Variants in KYNU observed in about 807,000 individuals in gnomAD.
The protein encoded by KYNU is kynureninase, also known as L-kynurenine hydrolase.
In KYNU, 54 loss-of-function variants were observed where a neutral mutation model predicts 59.2. The observed-to-expected ratio is 0.91, with a 90% CI of 0.73 to 1.14. The LOEUF (loss-of-function observed/expected upper bound fraction) is 1.14, where lower values mean the gene tolerates loss of function less well. Ranked by LOEUF, KYNU falls within the 50% of genes most tolerant of loss-of-function variation. The probability of loss-of-function intolerance (pLI) is 0.00; values close to 1 mark genes in which losing one functional copy is unlikely to be tolerated. For missense variants in KYNU, 567 were observed against 554.4 expected, an observed-to-expected ratio of 1.02 and a Z score of -0.23; for synonymous variants, 177 against 192.0, an observed-to-expected ratio of 0.92 and a Z score of 0.65.
intron 8 of KYNU, among the ~76,000 whole-genome samples, chr2:142,965,807 G>A (rs755724526): frequency 4.6e-5 from 7 of 152,118 alleles, no homozygotes; most frequent in Non-Finnish European, 7.4e-5. Flanking sequence ...TGGGCTTCGG[G>A]TTGGCTAAAT....
At chr2:143,041,035 A>G (rs1174098187) in intron 13 of KYNU, among the ~76,000 whole-genome samples, 1 of 152,118 alleles carries the variant, frequency 6.6e-6, no homozygotes, top group African/African-American at 2.4e-5. Flanking sequence ...AATTTATTGA[A>G]GGGTTAAAAA....
At chr2:143,002,796 G>A (rs1000022988) in intron 10 of KYNU, among the ~76,000 whole-genome samples, 1 of 152,054 alleles carries the variant, frequency 6.6e-6, no homozygotes, top group African/African-American at 2.4e-5. Context: ...AGTACATTTT[G>A]AATCAGTTTC....
intron 10 of KYNU, among the ~76,000 whole-genome samples, chr2:142,999,264 A>T (rs1029691041): frequency 6.6e-6 from 1 of 152,162 alleles, no homozygotes; most frequent in South Asian, 2.1e-4. Flanking sequence ...TAGACTATTT[A>T]TCAAGAATTT....
intron 2 of KYNU, among the ~76,000 whole-genome samples, chr2:142,908,828 G>T (rs953736955): frequency 2.0e-5 from 3 of 152,100 alleles, no homozygotes; most frequent in African/African-American, 7.2e-5. Flanking sequence ...TAGAGACAGG[G>T]TTTCACTGTG....
At chr2:142,958,920 A>C (rs1001641003) in intron 7 of KYNU, among the ~76,000 whole-genome samples, 8 of 152,208 alleles carry the variant, frequency 5.3e-5, no homozygotes, top group African/African-American at 1.9e-4. Context: ...TTAAGAATAA[A>C]GAGTTTTGGA....
intron 4 of KYNU, among the ~76,000 whole-genome samples, chr2:142,939,125 G>A (rs943759836): frequency 1.3e-5 from 2 of 151,692 alleles, no homozygotes; most frequent in African/African-American, 4.8e-5. Context: ...TCCAGCCTGG[G>A]TGACAGACTA....
intron 10 of KYNU, among the ~76,000 whole-genome samples, chr2:143,024,565 A>G (rs900690204): frequency 3.9e-5 from 6 of 151,970 alleles, no homozygotes; most frequent in Admixed American, 3.3e-4. Flanking sequence ...AGGTATTTCT[A>G]TATTAGTCTC....
chr2:143,039,493 A>C (rs1686974705), intron 12 of KYNU, among the ~76,000 whole-genome samples: 2 of 152,142 alleles, frequency 1.3e-5, no homozygotes, highest in Non-Finnish European at 2.9e-5. Flanking sequence ...GTTTTACTTG[A>C]TTATACTAAC....
rs59478494 is a variant in KYNU at position 143,042,652 on chromosome 2, A to T, written c.*480A>T. 1.7e-5 allele frequency: 2 copies of T among 119,336 alleles called. No individual in the cohort carries two copies. The highest frequency in any genetic ancestry group is 2.4e-4 in the East Asian group (1 of 4,140). 7.4% of individuals were successfully genotyped at this position (119,336 alleles called of 1,614,324 possible). ...TATATGTGTGTGTGTGTGTGTGTAT[A>T]TATATATATATATATCATATATATA... On this transcript the variant is annotated 3_prime_UTR_variant, in exon 14 of 14. Transcript: ENST00000264170.
rs750460892 is a variant in KYNU, at chr2:142,980,303, A to G, written c.730-4781A>G. The stretch of plus-strand genomic sequence containing the variant: ...ATGACCAGAGGTCACTCTTGTCATC[A>G]TCTTGGTTTTGGTGGGATTTGGCCA... On this transcript the variant is annotated intron_variant, in intron 8 of 13. Transcript: ENST00000264170. 8.8e-4 allele frequency among the ~76,000 whole-genome samples: 128 copies of G among 145,344 alleles called. 1 individual carries two copies. Among genetic ancestry groups the G allele is most frequent in the Non-Finnish European group, 1.1e-3 (75 of 66,316 alleles).
chr2:142,922,710 A>AT lies in KYNU; in HGVS notation c.290+3987dup, dbSNP rs1231847180. Among the ~76,000 whole-genome samples, 6 of 152,206 alleles carry AT rather than the reference A, an allele frequency of 3.9e-5. No individual in the cohort carries two copies. In the South Asian group the frequency reaches 6.2e-4, roughly 16 times the overall value. On this transcript the variant is annotated intron_variant, in intron 3 of 13. Coordinates refer to ENST00000264170, the MANE Select transcript of KYNU (RefSeq NM_003937.3). ...ACCACACCTAAGTATTGAATAAATG[A>AT]TTTTTTGTCATAATGCAGCCTGATT...
At chr2:142,914,905 A>G (rs1682622201) in intron 2 of KYNU, among the ~76,000 whole-genome samples, 3 of 152,126 alleles carry the variant, frequency 2.0e-5, no homozygotes, top group Admixed American at 2.0e-4. Flanking sequence ...CCAGTTTCTA[A>G]TGGCCTTTAT....
chr2:142,925,662 G>A (rs1195485561), intron 3 of KYNU, among the ~76,000 whole-genome samples: 1 of 152,160 alleles, frequency 6.6e-6, no homozygotes, highest in Non-Finnish European at 1.5e-5. Flanking sequence ...TATACCAGAT[G>A]TCAAAAGCCA....
intron 10 of KYNU, among the ~76,000 whole-genome samples, chr2:142,993,272 C>T (rs1018404606): frequency 1.3e-5 from 2 of 151,852 alleles, no homozygotes; most frequent in Non-Finnish European, 2.9e-5. Context: ...TTTTTATTCT[C>T]CTCATTAGAA....
intron 4 of KYNU, among the ~76,000 whole-genome samples, chr2:142,928,874 C>T (rs1425881567): frequency 6.6e-6 from 1 of 151,334 alleles, no homozygotes; most frequent in Non-Finnish European, 1.5e-5. Context: ...GCCAAGCATG[C>T]TGGCACACCC....
At chr2:142,990,516 A>G (rs1474491046) in intron 10 of KYNU, among the ~76,000 whole-genome samples, 1 of 151,810 alleles carries the variant, frequency 6.6e-6, no homozygotes, top group Non-Finnish European at 1.5e-5. Context: ...TTTTGTTAAT[A>G]GAGAGTCTAC....
intron 10 of KYNU, among the ~76,000 whole-genome samples, chr2:143,020,795 G>A (rs912089414): frequency 3.3e-5 from 5 of 152,164 alleles, no homozygotes; most frequent in African/African-American, 1.2e-4. Flanking sequence ...TACTTTTGGA[G>A]ATTAAATTTC....
rs1687125533 is a variant in KYNU, at chr2:143,043,995, T to A, written c.*1823T>A. 6.6e-6 allele frequency: 1 copy of A among 151,760 alleles called. No individual in the cohort carries two copies. Among genetic ancestry groups the A allele is most frequent in the Admixed American group, 6.6e-5 (1 of 15,124 alleles). The allele number at this position is 151,760 out of a possible 1,614,324, so 9.4% of individuals were successfully genotyped here. A position where few individuals can be genotyped will look rare whatever the true frequency, so the allele number is the denominator to read the frequency against. On this transcript the variant is annotated 3_prime_UTR_variant, in exon 14 of 14. Coordinates refer to ENST00000264170, the MANE Select transcript of KYNU (RefSeq NM_003937.3). ...TGCTCACCCTCCTCTTATCCCCAAC[T>A]ACCCAAAAGGACCTGGTGTGTGATG...
intron 4 of KYNU, among the ~76,000 whole-genome samples, chr2:142,954,236 C>G (rs1446123839): frequency 6.6e-6 from 1 of 152,024 alleles, no homozygotes; most frequent in Non-Finnish European, 1.5e-5. Flanking sequence ...TCAGACAATA[C>G]ACGTCTATAT....
Sources: allele counts gnomAD v4.1 joint callset (sites outside exome capture counted in the v4.1 genomes callset), GRCh38; gene constraint gnomAD v4.1.1; transcripts MANE v1.5; gene names NCBI Gene and HGNC (gene_info 2026-07-23, HGNC 2026-07-21).